Variants in RERE observed in about 807,000 individuals in gnomAD.
RERE encodes arginine-glutamic acid dipeptide repeats protein.
RERE carries 40 observed loss-of-function variants against 146.1 expected under a neutral mutation model. The observed-to-expected ratio is 0.27, with a 90% CI of 0.21 to 0.36. The LOEUF (loss-of-function observed/expected upper bound fraction) is 0.36, where lower values mean the gene tolerates loss of function less well. Among genes scored for constraint, RERE ranks in the 10% least tolerant of loss-of-function variants. The probability of loss-of-function intolerance (pLI) is 1.00; values close to 1 mark genes in which losing one functional copy is unlikely to be tolerated. For synonymous variants in RERE, 1,003 were observed against 866.0 expected (o/e 1.16, Z -2.78); for missense variants, 1,933 against 2,138.7 (o/e 0.90, Z 1.90).
At chr1:8,612,015 T>C (rs981409615) in intron 4 of RERE, among the ~76,000 whole-genome samples, 7 of 152,232 alleles carry the variant, frequency 4.6e-5, no homozygotes, top group Non-Finnish European at 7.3e-5. Context: ...CTCCAGCAGA[T>C]AGAAAAATGA....
chr1:8,729,931 T>C (rs960948054), intron 1 of RERE, among the ~76,000 whole-genome samples: 1 of 152,230 alleles, frequency 6.6e-6, no homozygotes, highest in African/African-American at 2.4e-5. Flanking sequence ...TAAAAAATCT[T>C]ATGTAAGGGA....
intron 4 of RERE, among the ~76,000 whole-genome samples, chr1:8,586,360 C>T (rs1570472644): frequency 6.6e-6 from 1 of 152,062 alleles, no homozygotes; most frequent in East Asian, 1.9e-4. Context: ...CAGAGGACCT[C>T]GAAGATGGCT....
In RERE at chr1:8,362,624, A is replaced by C. The variant is rs1241953837; in HGVS notation, c.1902+59T>G. On this transcript the variant is annotated intron_variant, in intron 16 of 22. Transcript: ENST00000400908. ...AGGGAGCTGATCACGAATACCAGCA[A>C]ACCAGTTTTAATGTGAGGGAGGGAC... 4 of 1,608,404 alleles carry C rather than the reference A, an allele frequency of 2.5e-6. No homozygotes were observed. In the African/African-American group the frequency reaches 4.0e-5, roughly 16 times the overall value.
chr1:8,789,210 C>T (rs999425410), intron 1 of RERE, among the ~76,000 whole-genome samples: 1 of 143,402 alleles, frequency 7.0e-6, no homozygotes, highest in Non-Finnish European at 1.5e-5. Context: ...TTGGGGAAGC[C>T]GATGGGGGAG....
intron 12 of RERE, among the ~76,000 whole-genome samples, chr1:8,408,420 C>A (rs565666243): frequency 9.7e-4 from 147 of 152,278 alleles, no homozygotes; most frequent in African/African-American, 3.4e-3. Context: ...AGGCCCCAAC[C>A]CAGGATGCCC....
At chr1:8,420,959 TAGA>T (rs1488673684) in intron 12 of RERE, among the ~76,000 whole-genome samples, 6 of 152,054 alleles carry the variant, frequency 3.9e-5, no homozygotes, top group African/African-American at 1.4e-4. Flanking sequence ...AAAAACATAG[TAGA>T]AGAACTTAAC....
intron 19 of RERE, among the ~76,000 whole-genome samples, chr1:8,359,288 C>T (rs185661056): frequency 1.4e-4 from 21 of 152,286 alleles, no homozygotes; most frequent in Admixed American, 5.9e-4. Context: ...GGGTTGGCTG[C>T]CCTTTCCTCC....
intron 4 of RERE, among the ~76,000 whole-genome samples, chr1:8,613,568 C>T (rs556817324): frequency 8.7e-4 from 132 of 152,282 alleles, no homozygotes; most frequent in Middle Eastern, 6.8e-3. Flanking sequence ...TTCTTTTCTA[C>T]GACCCAAGAT....
rs1485353930 is a variant in RERE at position 8,593,739 on chromosome 1, T to A, written c.522+20822A>T. Reference sequence around the variant, plus strand: ...GCTAGAAAAGTTTCTAAACAGATACTTTCAGCTTCTCTATTCATCTCCTGG... The same window carrying A: ...GCTAGAAAAGTTTCTAAACAGATACATTCAGCTTCTCTATTCATCTCCTGG... On this transcript the variant is annotated intron_variant, in intron 4 of 22. Coordinates refer to ENST00000400908, the MANE Select transcript of RERE (RefSeq NM_001042681.2). 2.0e-5 allele frequency among the ~76,000 whole-genome samples: 3 copies of A among 152,232 alleles called. No homozygotes were observed. The East Asian group carries it at 5.8e-4, about 29-fold the overall frequency.
intron 4 of RERE, among the ~76,000 whole-genome samples, chr1:8,599,051 G>A (rs940451272): frequency 2.6e-5 from 4 of 152,210 alleles, no homozygotes; most frequent in Non-Finnish European, 5.9e-5. Context: ...AGGACCTCCT[G>A]CAGAACTTCT....
chr1:8,727,174 G>A (rs967530821), intron 1 of RERE, among the ~76,000 whole-genome samples: 17 of 143,584 alleles, frequency 1.2e-4, no homozygotes, highest in Non-Finnish European at 1.7e-4. Flanking sequence ...AAGGAGTCTC[G>A]CTCTGTAGCC....
intron 4 of RERE, among the ~76,000 whole-genome samples, chr1:8,574,739 C>T (rs140703096): frequency 2.6e-4 from 40 of 152,314 alleles, no homozygotes; most frequent in African/African-American, 8.7e-4. Flanking sequence ...CATAACTAAT[C>T]TGTGATGGCA....
At chr1:8,814,420 G>A (rs1371119124) in intron 1 of RERE, among the ~76,000 whole-genome samples, 1 of 152,212 alleles carries the variant, frequency 6.6e-6, no homozygotes, top group East Asian at 1.9e-4. Context: ...CCTCTTCTAT[G>A]ATAATTTGTG....
Position 8,665,975 on chromosome 1 carries a change from G to A in RERE, c.-144-9534C>T, listed in dbSNP as rs751323650. Among the ~76,000 whole-genome samples the A allele has an allele frequency of 3.1e-4, 47 of 152,182 alleles. 1 individual carries two copies. The highest frequency in any genetic ancestry group is 7.2e-4 in the Admixed American group (11 of 15,280). ...ATCAATGCAAAAGTAAGCACTGAGA[G>A]GCTGAGCAAGTTGACCAAACTCACA... On this transcript the variant is annotated intron_variant, in intron 1 of 22. Transcript: ENST00000400908.
intron 1 of RERE, among the ~76,000 whole-genome samples, chr1:8,774,135 G>A (rs1292496199): frequency 1.3e-5 from 2 of 152,002 alleles, no homozygotes; most frequent in South Asian, 2.1e-4. Context: ...TACCTCTAAA[G>A]CCATTCATTC....
intron 1 of RERE, among the ~76,000 whole-genome samples, chr1:8,765,029 A>G (rs1240481779): frequency 2.0e-5 from 3 of 152,222 alleles, no homozygotes; most frequent in South Asian, 2.1e-4. Flanking sequence ...GCAAATACAC[A>G]TCCTCACAGA....
chr1:8,556,464 C>T lies in RERE; in HGVS notation c.725+11G>A. ...CTCCTTCACATGGAAGAGCACGTCT[C>T]CAGTACTTACCTAAGGGCAGCAGCA... On this transcript the variant is annotated intron_variant, in intron 6 of 22. Transcript: ENST00000400908. 3.3e-6 allele frequency: 5 copies of T among 1,516,784 alleles called. No homozygotes were observed. Among genetic ancestry groups the T allele is most frequent in the Non-Finnish European group, 4.6e-6 (5 of 1,091,528 alleles). The allele number at this position is 1,516,784 out of a possible 1,614,324, so 94.0% of individuals were successfully genotyped here.
In RERE at chr1:8,413,846, G is replaced by A. The variant is rs192143926; in HGVS notation, c.1284+8881C>T. Among the ~76,000 whole-genome samples, 1,073 of 151,768 alleles carry A rather than the reference G, an allele frequency of 7.1e-3. 8 individuals carry two copies. The highest frequency in any genetic ancestry group is 0.024 in the African/African-American group (982 of 41,420). On this transcript the variant is annotated intron_variant, in intron 12 of 22. Coordinates refer to ENST00000400908, the MANE Select transcript of RERE (RefSeq NM_001042681.2). ...CAAGGTGGGTGTATCATCTGAGGTC[G>A]GGAGTTCAAGACCAGCCTGGCCAAC...
chr1:8,695,330 A>T (rs1639304005), intron 1 of RERE, among the ~76,000 whole-genome samples: 1 of 152,088 alleles, frequency 6.6e-6, no homozygotes, highest in South Asian at 2.1e-4. Flanking sequence ...AACCTAAAAA[A>T]CACCATTCCG....
Sources: allele counts gnomAD v4.1 joint callset (sites outside exome capture counted in the v4.1 genomes callset), GRCh38; gene constraint gnomAD v4.1.1; transcripts MANE v1.5; gene names NCBI Gene and HGNC (gene_info 2026-07-23, HGNC 2026-07-21).